The following GTPBP6 variants were observed in gnomAD, a reference collection of about 807,000 sequenced individuals.
GTPBP6 encodes GTP binding protein 6, also known as putative GTP-binding protein 6.
GTPBP6 carries 33 observed loss-of-function variants against 28.9 expected under a neutral mutation model. The ratio of observed to expected loss-of-function variants is 1.14; its 90% CI spans 0.87 to 1.53. The LOEUF (loss-of-function observed/expected upper bound fraction) is 1.53, where lower values mean the gene tolerates loss of function less well. GTPBP6 is among the 40% of genes most tolerant of loss of function. The pLI, the probability that GTPBP6 is intolerant of heterozygous loss-of-function variation, is 0.00. For synonymous variants in GTPBP6, 231 were observed against 192.7 expected (o/e 1.20, Z -1.65); for missense variants, 507 against 408.3 (o/e 1.24, Z -2.08).
chrX:317,599 G>T (rs2070461590), intron 1 of GTPBP6, among the ~76,000 whole-genome samples: 1 of 151,008 alleles, frequency 6.6e-6, no homozygotes, highest in African/African-American at 2.4e-5. Flanking sequence ...TCCGCTGGAC[G>T]CCCTCCCTTC....
In GTPBP6 at chrX:307,729, C is replaced by T; in HGVS notation, c.1274+3G>A. On this transcript the variant is annotated splice_donor_region_variant and intron_variant, in intron 8 of 9. Transcript: ENST00000326153. The stretch of plus-strand genomic sequence containing the variant: ...CGCTTGCGGACCCCAGGGCCGGACT[C>T]ACCCGGGCACGAGGTCCACCTTGTT... 1 of 1,474,198 alleles carries T rather than the reference C, an allele frequency of 6.8e-7. No homozygotes were observed. The highest frequency in any genetic ancestry group is 9.0e-7 in the Non-Finnish European group (1 of 1,111,832). 91.3% of individuals were successfully genotyped at this position (1,474,198 alleles called of 1,614,324 possible). A position where few individuals can be genotyped will look rare whatever the true frequency, so the allele number is the denominator to read the frequency against.
At chrX:310,214 G>A (rs9635654) in intron 7 of GTPBP6, among the ~76,000 whole-genome samples, 5,256 of 75,504 alleles carry the variant, frequency 0.07, 94 homozygotes, top group South Asian at 0.15. Context: ...AAGATCTGGA[G>A]ATGAGATCAT....
intron 4 of GTPBP6, 27 bp downstream of exon 4, chrX:314,863 C>A: frequency 2.5e-6 from 1 of 399,404 alleles, no homozygotes; most frequent in South Asian, 1.3e-4. Flanking sequence ...ACGTGACGCT[C>A]GGCGCGGCCC....
intron 4 of GTPBP6, among the ~76,000 whole-genome samples, 200 bp downstream of exon 4, chrX:314,678 GTGTTGGCCAGGA>G (rs2070395263): frequency 6.6e-6 from 1 of 151,934 alleles, no homozygotes. Flanking sequence ...GGGTTTCACC[GTGTTGGCCAGGA>G]TGGTCTCGAT....
Position 307,677 on chromosome X carries a change from G to A in GTPBP6, c.1274+55C>T, listed in dbSNP as rs746182658. The stretch of plus-strand genomic sequence containing the variant: ...GAGGAGACGGGGCATCTCCCCACCC[G>A]GCTCCAGCGCGTGCAGGGGAAGGAG... On this transcript the variant is annotated intron_variant, in intron 8 of 9. Coordinates refer to ENST00000326153, the Ensembl canonical transcript of GTPBP6. 23 of 1,446,424 alleles carry A rather than the reference G, an allele frequency of 1.6e-5. No individual in the cohort carries two copies. In the Admixed American group the frequency reaches 3.2e-4, roughly 20 times the overall value. 89.6% of individuals were successfully genotyped at this position (1,446,424 alleles called of 1,614,324 possible).
chrX:315,164 G>A (rs1408487082), intron 3 of GTPBP6, 65 bp downstream of exon 3: 28 of 351,020 alleles, frequency 8.0e-5, no homozygotes, highest in African/African-American at 5.2e-4. Context: ...GCCGGACGCC[G>A]TGGCGTCCCC....
At position 315,014 on chromosome X, in the gene GTPBP6, G is replaced by C. The variant is rs1395961111; in HGVS notation, c.565C>G (p.Leu189Val). Residue 189 changes from leucine to valine, a missense_variant, in exon 4 of 10, where the codon CTG becomes GTG. By Grantham distance (32) the Leu-to-Val change is conservative. Coordinates refer to ENST00000326153, the Ensembl canonical transcript of GTPBP6. ...ACCTCCACGCCCCAGGCGGCTTCCA[G>C]TTCTTTCTGCAAAAGGAGAGAGCAA... 4 of 398,578 alleles carry C rather than the reference G, an allele frequency of 1.0e-5. 1 individual carries two copies. The highest frequency in any genetic ancestry group is 1.8e-5 in the Non-Finnish European group (4 of 226,088). 24.7% of individuals were successfully genotyped at this position (398,578 alleles called of 1,614,324 possible).
chrX:318,744 G>A (rs1415345437), exon 1 of GTPBP6: 2 of 330,748 alleles, frequency 6.0e-6, no homozygotes, highest in East Asian at 4.6e-5. Context: ...GCCCACGCGG[G>A]AGAGCCGCAG....
chrX:307,675 C>A, intron 8 of GTPBP6, 57 bp downstream of exon 8: 1 of 1,449,112 alleles, frequency 6.9e-7, no homozygotes. Flanking sequence ...ATCTCCCCAC[C>A]CGGCTCCAGC....
At position 311,402 on chromosome X, in the gene GTPBP6, G is replaced by A. The variant is rs752327242; in HGVS notation, c.1125+17C>T. The A allele has an allele frequency of 3.3e-5, 53 of 1,592,156 alleles. No individual in the cohort carries two copies. Among genetic ancestry groups the A allele is most frequent in the East Asian group, 6.8e-5 (3 of 44,388 alleles). Reference sequence around the variant, plus strand: ...ATGGGTGTCCGAGCACCCGATCCCCGGCCGTCCCACGCTCACCGAGTGGGC... The same window carrying A: ...ATGGGTGTCCGAGCACCCGATCCCCAGCCGTCCCACGCTCACCGAGTGGGC... On this transcript the variant is annotated intron_variant, in intron 7 of 9. Transcript: ENST00000326153.
intron 9 of GTPBP6, 41 bp from the exon 10 acceptor site, chrX:305,238 G>T (rs757877130): frequency 1.4e-6 from 2 of 1,417,174 alleles, no homozygotes; most frequent in Non-Finnish European, 2.0e-6. Flanking sequence ...AGCAGAACCC[G>T]TAAGTATTTG....
At chrX:309,837 CAG>C (rs1275729442) in intron 7 of GTPBP6, among the ~76,000 whole-genome samples, 4 of 143,488 alleles carry the variant, frequency 2.8e-5, no homozygotes, top group Non-Finnish European at 6.0e-5. Flanking sequence ...TATTTGGAAA[CAG>C]GGTCTCTGCA....
intron 7 of GTPBP6, among the ~76,000 whole-genome samples, chrX:309,364 C>A (rs1327101629): frequency 6.6e-6 from 1 of 152,148 alleles, no homozygotes; most frequent in African/African-American, 2.4e-5. Context: ...CAGAATGGGA[C>A]CCTACCCAGA....
intron 2 of GTPBP6, among the ~76,000 whole-genome samples, chrX:316,614 C>T (rs1274926484): frequency 2.0e-5 from 3 of 152,166 alleles, no homozygotes; most frequent in Admixed American, 2.0e-4. Flanking sequence ...CCTGCAGGGG[C>T]AGGTGGGGTT....
At chrX:308,351 G>C (rs1197487400) in intron 7 of GTPBP6, among the ~76,000 whole-genome samples, 1 of 152,154 alleles carries the variant, frequency 6.6e-6, no homozygotes, top group African/African-American at 2.4e-5. Context: ...ATAAAGCCGT[G>C]TGTAATTCTC....
exon 9 of GTPBP6, chrX:307,393 G>C (rs1377326216): frequency 1.2e-6 from 2 of 1,612,490 alleles, no homozygotes; most frequent in Non-Finnish European, 8.5e-7. Flanking sequence ...CACACGGAGA[G>C]TGAGGATCTG....
intron 6 of GTPBP6, 67 bp downstream of exon 6, chrX:312,699 C>T (rs768246063): frequency 1.3e-6 from 2 of 1,489,114 alleles, no homozygotes; most frequent in Admixed American, 3.7e-5. Flanking sequence ...CCCCTGCCCT[C>T]CCCCGGGCGA....
At chrX:311,503 G>A (rs367667763) in exon 7 of GTPBP6, 153 of 1,612,310 alleles carry the variant, frequency 9.5e-5, no homozygotes, top group South Asian at 6.0e-4. Flanking sequence ...TGGTGTCCAC[G>A]TACAGGACGG....
chrX:314,287 G>C, intron 4 of GTPBP6, 70 bp from the exon 5 acceptor site: 1 of 1,280,828 alleles, frequency 7.8e-7, no homozygotes, highest in Non-Finnish European at 1.1e-6. Context: ...TCGAGGTGAA[G>C]GTGAAGGGGG....
Sources: allele counts gnomAD v4.1 joint callset (sites outside exome capture counted in the v4.1 genomes callset), GRCh38; gene constraint gnomAD v4.1.1; transcripts MANE v1.5; gene names NCBI Gene and HGNC (gene_info 2026-07-23, HGNC 2026-07-21).